The following GRIA4 variants were observed in gnomAD, a reference collection of about 807,000 sequenced individuals.
GRIA4 encodes the protein glutamate receptor 4.
A neutral mutation model predicts 104.0 loss-of-function variants in GRIA4; 34 were observed. The observed-to-expected ratio is 0.33, with a 90% CI of 0.25 to 0.44. GRIA4 has a LOEUF of 0.44. Among genes scored for constraint, GRIA4 ranks in the 20% least tolerant of loss-of-function variants. The pLI is 1.00. For missense variants in GRIA4, 750 were observed against 1,096.5 expected, an observed-to-expected ratio of 0.68 and a Z score of 4.46; for synonymous variants, 386 against 381.9, an observed-to-expected ratio of 1.01 and a Z score of -0.13.
In GRIA4 at chr11:105,816,344, A is replaced by G. The variant is rs375913425; in HGVS notation, c.488-45680A>G. Among the ~76,000 whole-genome samples the G allele has an allele frequency of 2.0e-5, 3 of 152,146 alleles. No individual in the cohort carries two copies. The East Asian group carries it at 5.8e-4, about 29-fold the overall frequency. ...GGAGATAATTGGATCATGGGAGTAG[A>G]TTTCTCATGAATGGTTTACCACCAT... is the stretch of plus-strand genomic sequence containing the variant. On this transcript the variant is annotated intron_variant, in intron 4 of 16. Transcript: ENST00000282499.
chr11:105,726,862 C>T (rs537705961), intron 3 of GRIA4, among the ~76,000 whole-genome samples: 1 of 151,930 alleles, frequency 6.6e-6, no homozygotes, highest in Non-Finnish European at 1.5e-5. Flanking sequence ...GACAACCAAG[C>T]AAAAACTCCA....
chr11:105,797,042 C>T (rs762018784), intron 4 of GRIA4, among the ~76,000 whole-genome samples: 6 of 151,666 alleles, frequency 4.0e-5, no homozygotes, highest in South Asian at 4.2e-4. Flanking sequence ...GGTGAACCCC[C>T]GTCAATACAA....
chr11:105,674,757 T>C (rs998687464), intron 3 of GRIA4, among the ~76,000 whole-genome samples: 4 of 151,868 alleles, frequency 2.6e-5, no homozygotes, highest in African/African-American at 9.7e-5. Flanking sequence ...AAGAGGAGCA[T>C]TGCAAGAAGA....
At chr11:105,845,816 G>A (rs1235485653) in intron 4 of GRIA4, among the ~76,000 whole-genome samples, 4 of 152,212 alleles carry the variant, frequency 2.6e-5, no homozygotes, top group Admixed American at 6.5e-5. Context: ...ACGTGAACCC[G>A]GGAGTCGGAG....
In GRIA4 at chr11:105,905,165, A is replaced by G. The variant is rs748756335; in HGVS notation, c.1054-32A>G. On this transcript the variant is annotated intron_variant, in intron 8 of 16. Transcript: ENST00000282499. ...TAAAATTCCTATAAGTGAAATTGCA[A>G]GTGAACACGTGTGGTTTTCTTTTTC... is the stretch of plus-strand genomic sequence containing the variant. The G allele has an allele frequency of 6.0e-6, 7 of 1,166,544 alleles. No individual in the cohort carries two copies. In the African/African-American group the frequency reaches 1.1e-4, roughly 18 times the overall value. 72.3% of individuals were successfully genotyped at this position (1,166,544 alleles called of 1,614,324 possible). A position where few individuals can be genotyped will look rare whatever the true frequency, so the allele number is the denominator to read the frequency against.
At chr11:105,688,156 C>A (rs61900311) in intron 3 of GRIA4, among the ~76,000 whole-genome samples, 1,389 of 72,676 alleles carry the variant, frequency 0.019, 19 homozygotes, top group African/African-American at 0.049. Context: ...ATATCTATAT[C>A]TCTATCTATC....
At chr11:105,861,199 C>T (rs140082289) in intron 4 of GRIA4, among the ~76,000 whole-genome samples, 9 of 152,088 alleles carry the variant, frequency 5.9e-5, no homozygotes, top group Non-Finnish European at 1.2e-4. Flanking sequence ...TAATAAACAC[C>T]CCCACCTGCA....
At chr11:105,791,978 T>C (rs987572081) in intron 4 of GRIA4, among the ~76,000 whole-genome samples, 17 of 152,248 alleles carry the variant, frequency 1.1e-4, no homozygotes, top group Non-Finnish European at 1.8e-4. Flanking sequence ...TGATCTAGTG[T>C]TGACTCAAAT....
At chr11:105,626,132 T>G (rs1460635641) in intron 3 of GRIA4, among the ~76,000 whole-genome samples, 2 of 152,058 alleles carry the variant, frequency 1.3e-5, no homozygotes, top group Non-Finnish European at 2.9e-5. Context: ...TTTGATCAAA[T>G]TTCTCCATAT....
chr11:105,663,878 A>G (rs961439218), intron 3 of GRIA4, among the ~76,000 whole-genome samples: 30 of 151,860 alleles, frequency 2.0e-4, no homozygotes, highest in Middle Eastern at 3.4e-3. Flanking sequence ...GCTATGTAAC[A>G]GTGCTCAACT....
rs1032756104 is a variant in GRIA4 at position 105,668,610 on chromosome 11, C to G, written c.247+56176C>G. On this transcript the variant is annotated intron_variant, in intron 3 of 16. Transcript: ENST00000282499. ...TAATGACTCTACCAGTTTATATTCC[C>G]ACCCACCCATCAGTATACAAAGGTT... 3.3e-5 allele frequency among the ~76,000 whole-genome samples: 5 copies of G among 150,964 alleles called. No homozygotes were observed. The Admixed American group carries it at 3.3e-4, about 10-fold the overall frequency.
intron 3 of GRIA4, among the ~76,000 whole-genome samples, chr11:105,689,610 ATTAT>A (rs1175803868): frequency 6.6e-6 from 1 of 152,196 alleles, no homozygotes; most frequent in African/African-American, 2.4e-5. Context: ...AGATATTACT[ATTAT>A]TTAGAGAATT....
At chr11:105,821,105 T>G (rs190548198) in intron 4 of GRIA4, among the ~76,000 whole-genome samples, 2 of 152,192 alleles carry the variant, frequency 1.3e-5, no homozygotes, top group African/African-American at 4.8e-5. Context: ...CATCCAAAAC[T>G]GAGAGCTCAC....
intron 4 of GRIA4, among the ~76,000 whole-genome samples, chr11:105,788,691 A>G (rs1439220190): frequency 1.3e-5 from 2 of 152,254 alleles, no homozygotes; most frequent in South Asian, 2.1e-4. Flanking sequence ...GAGCTAAACA[A>G]TGAGTACACA....
At chr11:105,667,963 A>T (rs925380446) in intron 3 of GRIA4, among the ~76,000 whole-genome samples, 17 of 151,644 alleles carry the variant, frequency 1.1e-4, no homozygotes, top group African/African-American at 3.4e-4. Flanking sequence ...AATCATGTAT[A>T]ACAAGAATCT....
intron 3 of GRIA4, among the ~76,000 whole-genome samples, chr11:105,641,642 T>C (rs1239206145): frequency 1.3e-5 from 2 of 152,154 alleles, no homozygotes; most frequent in Non-Finnish European, 2.9e-5. Flanking sequence ...AAGGGCCCTT[T>C]GGTGATGTTA....
At chr11:105,826,547 G>A (rs1943777230) in intron 4 of GRIA4, among the ~76,000 whole-genome samples, 1 of 152,044 alleles carries the variant, frequency 6.6e-6, no homozygotes, top group Admixed American at 6.6e-5. Flanking sequence ...ATGATAGATT[G>A]CAGGAGAAGC....
At chr11:105,811,631 G>T (rs570956203) in intron 4 of GRIA4, among the ~76,000 whole-genome samples, 1 of 152,182 alleles carries the variant, frequency 6.6e-6, no homozygotes, top group East Asian at 1.9e-4. Context: ...AAGACACCCA[G>T]TTAAATTTAA....
chr11:105,844,256 T>G (rs1944498985), intron 4 of GRIA4, among the ~76,000 whole-genome samples: 1 of 152,236 alleles, frequency 6.6e-6, no homozygotes, highest in African/African-American at 2.4e-5. Flanking sequence ...TGAGTGAGTT[T>G]GTGATACAAG....
Sources: gnomAD v4.1 joint callset for allele counts (sites outside exome capture counted in the v4.1 genomes callset) on GRCh38, gnomAD v4.1.1 for gene constraint, MANE v1.5 for transcripts, NCBI Gene and HGNC (gene_info 2026-07-23, HGNC 2026-07-21) for gene names.